Variants in ERCC5 observed in about 807,000 individuals in gnomAD.
ERCC5 encodes the protein DNA excision repair protein ERCC-5.
Under a neutral mutation model 105.6 loss-of-function variants are expected in ERCC5, and 68 were observed. The observed-to-expected ratio is 0.64, with a 90% CI of 0.53 to 0.79. The LOEUF is 0.79. ERCC5 is among the 30% of genes least tolerant of loss of function. The probability of loss-of-function intolerance (pLI) is 0.00; values close to 1 mark genes in which losing one functional copy is unlikely to be tolerated. For missense variants in ERCC5, 1,373 were observed against 1,426.7 expected, an observed-to-expected ratio of 0.96 and a Z score of 0.61; for synonymous variants, 546 against 526.2, an observed-to-expected ratio of 1.04 and a Z score of -0.51.
chr13:102,875,491 A>G lies in ERCC5; in HGVS notation c.3149A>G (p.Lys1050Arg). Residue 1050 changes from lysine to arginine, a missense_variant, in exon 15 of 15, where the codon AAG (lysine) becomes AGG (arginine). By Grantham distance (26) the Lys-to-Arg change is conservative (BLOSUM62 2). Around this residue, in one of 3 missense-constraint regions of ERCC5, gnomAD observed 367 missense variants for 350.2 expected, o/e 1.05. Transcript: ENST00000652225. ...AMEKEFELLD[K>R]AKGKTQKRGI... ...GAGAAAGAATTTGAGCTACTTGATAAGGCAAAAGGAAAAACCCAGAAGAGA... is the reference window on the plus strand; with the variant it reads ...GAGAAAGAATTTGAGCTACTTGATAGGGCAAAAGGAAAAACCCAGAAGAGA... The G allele has an allele frequency of 6.2e-7, 1 of 1,614,192 alleles. No homozygotes were observed. Among genetic ancestry groups the G allele is most frequent in the Non-Finnish European group, 8.5e-7 (1 of 1,180,020 alleles).
Position 102,865,496 on chromosome 13 carries a change from G to A in ERCC5, c.1955-171G>A. On this transcript the variant is annotated intron_variant, in intron 8 of 14. Coordinates refer to ENST00000652225, the MANE Select transcript of ERCC5 (RefSeq NM_000123.4). This position sits in a 1 kb window ranked among gnomAD's most constrained non-coding sequence, Gnocchi z 4.0. The stretch of plus-strand genomic sequence containing the variant: ...GCTTGTTTTGAAGTTACAGGCATTT[G>A]TGATTACATTTATTTATTAATAACG... 1 of 923,202 alleles carries A rather than the reference G, an allele frequency of 1.1e-6. No individual in the cohort carries two copies. 57.2% of individuals were successfully genotyped at this position (923,202 alleles called of 1,614,324 possible). A position where few individuals can be genotyped will look rare whatever the true frequency, so the allele number is the denominator to read the frequency against.
In ERCC5 at chr13:102,873,299, G is replaced by A. The variant is rs747456426; in HGVS notation, c.2920G>A (p.Asp974Asn). The A allele has an allele frequency of 1.9e-6, 3 of 1,614,134 alleles. No individual in the cohort carries two copies. The South Asian group carries it at 3.3e-5, about 18-fold the overall frequency. Residue 974 changes from aspartate (D) to asparagine (N), a missense_variant, in exon 14 of 15, where the codon GAT (aspartate) becomes AAT (asparagine). This residue lies in a region of ERCC5 where 367 missense variants were observed against 350.2 expected (regional missense o/e 1.05). Coordinates refer to ENST00000652225, the MANE Select transcript of ERCC5 (RefSeq NM_000123.4). ...TTTCGGCTGGAACAGAACGAAGACA[G>A]ATGAATCTCTGTTTCCTGTATTAAA... ...RYFGWNRTKT[D>N]ESLFPVLKQL...
intron 12 of ERCC5, among the ~76,000 whole-genome samples, chr13:102,870,206 A>T (rs527662208): frequency 9.2e-5 from 14 of 152,334 alleles, no homozygotes; most frequent in African/African-American, 2.6e-4. Flanking sequence ...GGTTTGGACT[A>T]CACGGTGTAT....
chr13:102,873,985 A>G (rs1339335064), intron 14 of ERCC5, among the ~76,000 whole-genome samples: 1 of 152,266 alleles, frequency 6.6e-6, no homozygotes, highest in East Asian at 1.9e-4. Flanking sequence ...AATTAAACCC[A>G]TTTTCATTAG....
chr13:102,861,075 G>A (rs926125758), intron 6 of ERCC5, among the ~76,000 whole-genome samples: 1 of 147,450 alleles, frequency 6.8e-6, no homozygotes, highest in Non-Finnish European at 1.5e-5. Context: ...TGCAACCTCT[G>A]CCTCCCCGGT....
At chr13:102,856,235 T>C (rs1882413526) in intron 5 of ERCC5, 123 bp downstream of exon 5, 6 of 970,064 alleles carry the variant, frequency 6.2e-6, no homozygotes, top group Non-Finnish European at 9.6e-6. Context: ...GACAGATGGC[T>C]TTTTGGTTGT....
chr13:102,855,013 C>T (rs969503609), intron 4 of ERCC5, among the ~76,000 whole-genome samples: 1 of 152,212 alleles, frequency 6.6e-6, no homozygotes, highest in Non-Finnish European at 1.5e-5. Flanking sequence ...TCCCAAGAGA[C>T]AACTTAGCTT....
Position 102,853,807 on chromosome 13 carries a change from G to A in ERCC5, c.315G>A (p.Thr105=), listed in dbSNP as rs1306391332. 7 of 1,614,068 alleles carry A rather than the reference G, an allele frequency of 4.3e-6. No homozygotes were observed. The East Asian group carries it at 6.7e-5, about 15-fold the overall frequency. The change falls in exon 3 of 15, where the codon ACG becomes ACA. Residue 105 remains threonine (T), a synonymous_variant. Transcript: ENST00000652225. Reference sequence around the variant, plus strand: ...TAGCGTCCAGTGACTCCAGGAAAACGACAGAGAAGCTTCTGAAAACATTTT... The same window carrying A: ...TAGCGTCCAGTGACTCCAGGAAAACAACAGAGAAGCTTCTGAAAACATTTT... The part of the protein sequence containing the change: ...KDLASSDSRK[T]TEKLLKTFLK...
chr13:102,872,140 A>G (rs1397541918), intron 12 of ERCC5, 58 bp from the exon 13 acceptor site: 1 of 1,563,208 alleles, frequency 6.4e-7, no homozygotes, highest in Non-Finnish European at 8.7e-7. Flanking sequence ...CTTCATCCAT[A>G]GTGTATGAAC....
intron 3 of ERCC5, 113 bp from the exon 4 acceptor site, chr13:102,854,175 C>A: frequency 8.6e-7 from 1 of 1,167,214 alleles, no homozygotes; most frequent in Non-Finnish European, 1.3e-6. Context: ...CTTCCTTTCT[C>A]TCGGCTGCAT....
At chr13:102,848,108 G>A (rs6491714) in intron 1 of ERCC5, among the ~76,000 whole-genome samples, 13,036 of 152,218 alleles carry the variant, frequency 0.086, 1,855 homozygotes, top group African/African-American at 0.29. Flanking sequence ...GCAATGAGCC[G>A]TGTTCATGTC....
chr13:102,852,195 C>T lies in ERCC5; in HGVS notation c.166C>T (p.Leu56Phe), dbSNP rs1444427189. The stretch of plus-strand genomic sequence containing the variant: ...GAACTCAATAGAAAATCCTCATCTT[C>T]TCACTTTGTTTCATCGGCTCTGCAA... The part of the protein sequence containing the change: ...HGNSIENPHL[L>F]TLFHRLCKLL... Residue 56 changes from leucine to phenylalanine, a missense_variant, in exon 2 of 15, where the codon CTC (leucine) becomes TTC (phenylalanine). Coordinates refer to ENST00000652225, the MANE Select transcript of ERCC5 (RefSeq NM_000123.4). 23 of 1,614,036 alleles carry T rather than the reference C, an allele frequency of 1.4e-5. No homozygotes were observed. The highest frequency in any genetic ancestry group is 1.7e-5 in the Non-Finnish European group (20 of 1,180,026).
intron 1 of ERCC5, among the ~76,000 whole-genome samples, chr13:102,850,858 T>A (rs932646498): frequency 1.3e-5 from 2 of 151,986 alleles, no homozygotes; most frequent in African/African-American, 2.4e-5. Flanking sequence ...GGTTGATAGT[T>A]CAGACAGGAG....
rs748448875 is a variant in ERCC5, at chr13:102,858,369, T to C, written c.623T>C (p.Met208Thr). Reference protein sequence around the residue: ...PEVKHEILTDMKEFTKRRRTL... With the variant: ...PEVKHEILTDTKEFTKRRRTL... ...GTAAAGCATGAAATCTTGACTGATATGAAAGAGTTCACCAAGCGCAGAAGA... is the reference window on the plus strand; with the variant it reads ...GTAAAGCATGAAATCTTGACTGATACGAAAGAGTTCACCAAGCGCAGAAGA... The change falls in exon 6 of 15, where the codon ATG (methionine) becomes ACG (threonine). Residue 208 changes from methionine (M) to threonine (T), a missense_variant. Met to Thr is a moderately conservative substitution (Grantham distance 81). Coordinates refer to ENST00000652225, the MANE Select transcript of ERCC5 (RefSeq NM_000123.4). The C allele has an allele frequency of 8.7e-6, 14 of 1,614,040 alleles. No individual in the cohort carries two copies. Among genetic ancestry groups the C allele is most frequent in the Admixed American group, 1.7e-5 (1 of 60,004 alleles).
intron 11 of ERCC5, 74 bp downstream of exon 11, chr13:102,866,919 A>G: frequency 6.6e-7 from 1 of 1,512,494 alleles, no homozygotes. Flanking sequence ...TTTTCTTTCC[A>G]AGGAACTAGT....
intron 7 of ERCC5, 81 bp from the exon 8 acceptor site, chr13:102,861,949 G>A (rs1882636138): frequency 3.3e-6 from 5 of 1,527,750 alleles, no homozygotes; most frequent in Non-Finnish European, 4.5e-6. Context: ...ATGAGAACCA[G>A]TGTTCTCTTA....
rs772045575 is a variant in ERCC5 at position 102,865,694 on chromosome 13, T to A, written c.1982T>A (p.Ile661Asn). ...DGSFIEVQSV[I>N]SDEELQAEFP... is the part of the protein sequence containing the mutation. ...AGTTTCATTGAAGTGCAAAGTGTGA[T>A]TAGTGATGAGGAACTTCAAGCAGAA... Residue 661 changes from isoleucine (I) to asparagine (N), a missense_variant, in exon 9 of 15, where the codon ATT (isoleucine) becomes AAT (asparagine). Ile to Asn is a moderately radical substitution (Grantham distance 149). Around this residue, in one of 3 missense-constraint regions of ERCC5, gnomAD observed 1,004 missense variants for 1,059.7 expected, o/e 0.95. Transcript: ENST00000652225. The surrounding 1 kb of genome is among the most constrained non-coding windows in gnomAD (Gnocchi z 4.0). The A allele has an allele frequency of 1.2e-6, 2 of 1,613,838 alleles. No homozygotes were observed. The highest frequency in any genetic ancestry group is 1.7e-6 in the Non-Finnish European group (2 of 1,179,882).
chr13:102,870,717 A>G lies in ERCC5; in HGVS notation c.2679-1481A>G, dbSNP rs4150353. Among the ~76,000 whole-genome samples, 737 of 152,254 alleles carry G rather than the reference A, an allele frequency of 4.8e-3. 16 individuals are homozygous for G. The highest frequency in any genetic ancestry group is 0.044 in the East Asian group (230 of 5,178). ...CCTTTTTGCATTTTGTTGTTATAATACTTTGAAGACCGCAATTAGTAATTT... is the reference window on the plus strand; with the variant it reads ...CCTTTTTGCATTTTGTTGTTATAATGCTTTGAAGACCGCAATTAGTAATTT... On this transcript the variant is annotated intron_variant, in intron 12 of 14. Transcript: ENST00000652225.
At chr13:102,859,972 A>G (rs1036326207) in intron 6 of ERCC5, among the ~76,000 whole-genome samples, 1 of 152,216 alleles carries the variant, frequency 6.6e-6, no homozygotes, top group African/African-American at 2.4e-5. Flanking sequence ...GAGTGATGAA[A>G]TCTCACACCC....
Sources: gnomAD v4.1 joint callset for allele counts (sites outside exome capture counted in the v4.1 genomes callset) on GRCh38, gnomAD v4.1.1 for gene constraint, gnomAD v4.1.1 regional missense constraint, Gnocchi (gnomAD v3.1) non-coding constraint, MANE v1.5 for transcripts, NCBI Gene and HGNC (gene_info 2026-07-23, HGNC 2026-07-21) for gene names.